KCNH2: variants seen among roughly 807,000 people sequenced by gnomAD.
The protein encoded by KCNH2 is voltage-gated inwardly rectifying potassium channel KCNH2.
In KCNH2, 35 loss-of-function variants were observed where a neutral mutation model predicts 95.9. The ratio of observed to expected loss-of-function variants is 0.37; its 90% confidence interval spans 0.28 to 0.48. The LOEUF (loss-of-function observed/expected upper bound fraction) is 0.48. Ranked by LOEUF, KCNH2 falls within the 20% of genes least tolerant of loss-of-function variation. The pLI is 0.99. For synonymous variants in KCNH2, 786 were observed against 754.7 expected, an observed-to-expected ratio of 1.04 and a Z score of -0.68; for missense variants, 1,274 against 1,702.9, an observed-to-expected ratio of 0.75 and a Z score of 4.43.
intron 2 of KCNH2, among the ~76,000 whole-genome samples, chr7:150,964,285 C>T (rs1801645214): frequency 6.6e-6 from 1 of 152,246 alleles, no homozygotes; most frequent in Non-Finnish European, 1.5e-5. Context: ...CTGCAAATCA[C>T]TAAGCACATC....
rs1800869406 is a variant in KCNH2 at position 150,945,851 on chromosome 7, T to A, written c.3331-337A>T. ...CCAACCCAACCTGGAACAAGCAGTC[T>A]CTGTGTTGGGACAGAAGCTGGGACA... On this transcript the variant is annotated intron_variant, in intron 14 of 14. Transcript: ENST00000262186. This position sits in a 1 kb window ranked among gnomAD's most constrained non-coding sequence, Gnocchi z 5.6. 6.6e-6 allele frequency among the ~76,000 whole-genome samples: 1 copy of A among 152,134 alleles called. No individual in the cohort carries two copies. The highest frequency in any genetic ancestry group is 6.5e-5 in the Admixed American group (1 of 15,280).
intron 2 of KCNH2, among the ~76,000 whole-genome samples, chr7:150,974,340 C>T (rs1227543601): frequency 6.6e-6 from 1 of 152,222 alleles, no homozygotes; most frequent in African/African-American, 2.4e-5. Flanking sequence ...AACTGCCAAT[C>T]TGACCTTTAA....
chr7:150,959,342 A>C (rs1801487623), intron 3 of KCNH2, among the ~76,000 whole-genome samples: 1 of 152,206 alleles, frequency 6.6e-6, no homozygotes, highest in Non-Finnish European at 1.5e-5. Context: ...GCCCACGCCA[A>C]GGACCTGTGA....
intron 2 of KCNH2, among the ~76,000 whole-genome samples, chr7:150,960,294 T>G (rs1423223613): frequency 6.6e-6 from 1 of 152,272 alleles, no homozygotes. Flanking sequence ...TTAAAATTTT[T>G]TAACTTTTTA....
chr7:150,951,287 C>T, intron 7 of KCNH2, 161 bp downstream of exon 7: 1 of 1,080,736 alleles, frequency 9.3e-7, no homozygotes, highest in Non-Finnish European at 1.4e-6. Flanking sequence ...TTCAGTAGTC[C>T]CCGCCCTGGT....
At chr7:150,957,633 G>C (rs1452852249) in intron 4 of KCNH2, 131 bp from the exon 5 acceptor site, 1 of 732,748 alleles carries the variant, frequency 1.4e-6, no homozygotes, top group African/African-American at 1.7e-5. Context: ...GAGACCAGGG[G>C]AGTCACAAGA....
At chr7:150,949,795 A>T (rs147180127) in intron 9 of KCNH2, 75 of 1,217,054 alleles carry the variant, frequency 6.2e-5, no homozygotes, top group Non-Finnish European at 7.5e-5. Flanking sequence ...GGGGCCAGGC[A>T]TGAGGCTGCA....
chr7:150,964,847 A>G (rs1362884581), intron 2 of KCNH2, among the ~76,000 whole-genome samples: 1 of 152,198 alleles, frequency 6.6e-6, no homozygotes. Flanking sequence ...GTGTCAGGTT[A>G]TATTTAGCCT....
Position 150,952,584 on chromosome 7 carries a change from G to A in KCNH2, c.1398C>T (p.Asp466=). Residue 466 remains aspartate, a synonymous_variant, in exon 6 of 15, where the codon GAC becomes GAT. Transcript: ENST00000262186. The surrounding 1 kb of genome is among the most constrained non-coding windows in gnomAD (Gnocchi z 7.3). The part of the protein sequence containing the change: ...DLIVDIMFIV[D]ILINFRTTYV... ...AGGTGGTGCGGAAGTTGATGAGGAT[G>A]TCCACAATGAACATGATGTCCACGA... The A allele has an allele frequency of 6.2e-7, 1 of 1,614,228 alleles. No homozygotes were observed.
chr7:150,948,621 A>G (rs1375598794), intron 10 of KCNH2, 78 bp from the exon 11 acceptor site: 1 of 1,365,020 alleles, frequency 7.3e-7, no homozygotes, highest in Non-Finnish European at 1.0e-6. Context: ...TCCCTCCTTA[A>G]CACAGAAAAA....
intron 5 of KCNH2, among the ~76,000 whole-genome samples, chr7:150,956,184 G>A (rs768901198): frequency 6.6e-6 from 1 of 152,206 alleles, no homozygotes; most frequent in Non-Finnish European, 1.5e-5. Flanking sequence ...CAGGAGCAGG[G>A]CAGATGCCAG....
chr7:150,959,497 G>A (rs1801491997), intron 3 of KCNH2, 75 bp downstream of exon 3: 4 of 1,548,914 alleles, frequency 2.6e-6, no homozygotes, highest in Non-Finnish European at 8.9e-7. Context: ...GCAGAGCGTT[G>A]ACCTTGGACA....
At chr7:150,959,930 G>A (rs1330230996) in intron 2 of KCNH2, among the ~76,000 whole-genome samples, 194 bp from the exon 3 acceptor site, 6 of 152,090 alleles carry the variant, frequency 3.9e-5, no homozygotes, top group Admixed American at 1.3e-4. Context: ...CCCTCAATCT[G>A]TCTACCCCAG....
In KCNH2 at chr7:150,947,605, C is replaced by A; in HGVS notation, c.2965+1G>T. On this transcript the variant is annotated splice_donor_variant, in intron 12 of 14. Coordinates refer to ENST00000262186, the MANE Select transcript of KCNH2 (RefSeq NM_000238.4). LOFTEE classifies it high-confidence loss of function. ...CCTCGCCCGCCCGTCGCCCGGGATA[C>A]CTGACAGGGGGTTGCAAGTGTCGCT... The A allele has an allele frequency of 6.2e-7, 1 of 1,612,582 alleles. No homozygotes were observed.
chr7:150,948,424 C>G lies in KCNH2; in HGVS notation c.2692+20G>C. 16 of 744,926 alleles carry G rather than the reference C, an allele frequency of 2.1e-5. No homozygotes were observed. Among genetic ancestry groups the G allele is most frequent in the Non-Finnish European group, 3.5e-5 (16 of 460,100 alleles). The allele number at this position is 744,926 out of a possible 1,614,324, so 46.1% of individuals were successfully genotyped here. On this transcript the variant is annotated intron_variant, in intron 11 of 14. Transcript: ENST00000262186. Reference sequence around the variant, plus strand: ...TCACCTTGTCCCCGCCCTCCCCCTTCCTCCCCTCCCCCGCCTCACCCTTGT... The same window carrying G: ...TCACCTTGTCCCCGCCCTCCCCCTTGCTCCCCTCCCCCGCCTCACCCTTGT...
chr7:150,958,414 G>C lies in KCNH2; in HGVS notation c.561C>G (p.Gly187=). Residue 187 remains glycine, a synonymous_variant, in exon 4 of 15, where the codon GGC becomes GGG. Coordinates refer to ENST00000262186, the MANE Select transcript of KCNH2 (RefSeq NM_000238.4). Reference sequence around the variant, plus strand: ...CCACCACGGCCCCCGGGGCGCCCGCGCCGCCCGCGCCGCCCGACCGCACCG... The same window carrying C: ...CCACCACGGCCCCCGGGGCGCCCGCCCCGCCCGCGCCGCCCGACCGCACCG... ...ESSVRSGGAG[G]AGAPGAVVVD... 1 of 1,433,554 alleles carries C rather than the reference G, an allele frequency of 7.0e-7. No homozygotes were observed. The highest frequency in any genetic ancestry group is 3.0e-5 in the East Asian group (1 of 33,090). The allele number at this position is 1,433,554 out of a possible 1,614,324, so 88.8% of individuals were successfully genotyped here.
chr7:150,949,417 T>C, intron 9 of KCNH2: 1 of 1,030,280 alleles, frequency 9.7e-7, no homozygotes, highest in Non-Finnish European at 1.2e-6. Context: ...CATTTTTTTT[T>C]TTTTTTTTTT....
chr7:150,947,547 GTAGAC>G (rs1369908377), intron 12 of KCNH2, 33 bp from the exon 13 acceptor site: 4 of 1,601,832 alleles, frequency 2.5e-6, no homozygotes, highest in African/African-American at 2.7e-5. Context: ...GGTGAGCGGG[GTAGAC>G]GCACCACCGC....
intron 9 of KCNH2, chr7:150,949,676 G>T (rs999130280): frequency 1.7e-6 from 2 of 1,145,458 alleles, no homozygotes; most frequent in Admixed American, 8.4e-5. Flanking sequence ...CAGGCAAAGG[G>T]GGAGGAAGTC....
Sources: allele counts gnomAD v4.1 joint callset (sites outside exome capture counted in the v4.1 genomes callset), GRCh38; gene constraint gnomAD v4.1.1; non-coding constraint Gnocchi (gnomAD v3.1); transcripts MANE v1.5; gene names NCBI Gene and HGNC (gene_info 2026-07-23, HGNC 2026-07-21).